Variants in ZCCHC7 observed in about 807,000 individuals in gnomAD.
ZCCHC7 encodes zinc finger CCHC domain-containing protein 7.
ZCCHC7 carries 35 observed loss-of-function variants against 52.0 expected under a neutral mutation model. The ratio of observed to expected loss-of-function variants is 0.67; its 90% CI spans 0.51 to 0.89. The LOEUF is 0.89. Ranked by LOEUF, ZCCHC7 falls within the 40% of genes least tolerant of loss-of-function variation. The pLI is 0.00. For synonymous variants in ZCCHC7, 217 were observed against 221.5 expected (o/e 0.98, Z 0.18); for missense variants, 574 against 649.1 (o/e 0.88, Z 1.26).
chr9:37,254,833 G>GTTT (rs767381289), intron 2 of ZCCHC7, among the ~76,000 whole-genome samples: 6 of 12,410 alleles, frequency 4.8e-4, no homozygotes, highest in Admixed American at 3.5e-3. Context: ...TGCTCAAAAA[G>GTTT]TTTCTTTTTT....
intron 2 of ZCCHC7, among the ~76,000 whole-genome samples, chr9:37,212,638 CCTTA>C (rs1343875332): frequency 2.0e-5 from 3 of 152,156 alleles, no homozygotes; most frequent in African/African-American, 7.2e-5. Flanking sequence ...GGCAGCCCAG[CCTTA>C]CTTCAGAGTC....
intron 4 of ZCCHC7, 149 bp from the exon 5 acceptor site, chr9:37,305,395 T>A: frequency 1.1e-6 from 1 of 949,252 alleles, no homozygotes; most frequent in Non-Finnish European, 1.5e-6. Context: ...TTTGGACATT[T>A]TGTTTGATTT....
chr9:37,138,134 A>G (rs538826781), intron 2 of ZCCHC7, among the ~76,000 whole-genome samples: 64 of 152,120 alleles, frequency 4.2e-4, no homozygotes, highest in Non-Finnish European at 7.4e-4. Flanking sequence ...ACACTTAACT[A>G]TTGTTAGGGC....
chr9:37,209,335 T>C (rs979704652), intron 2 of ZCCHC7, among the ~76,000 whole-genome samples: 1 of 152,126 alleles, frequency 6.6e-6, no homozygotes, highest in Non-Finnish European at 1.5e-5. Flanking sequence ...CCACCACGCC[T>C]GGCCATTTTT....
chr9:37,209,517 T>A (rs146617198), intron 2 of ZCCHC7, among the ~76,000 whole-genome samples: 128 of 152,282 alleles, frequency 8.4e-4, no homozygotes, highest in African/African-American at 2.8e-3. Flanking sequence ...AACATCTTTG[T>A]CTACCCTTTT....
intron 1 of ZCCHC7, among the ~76,000 whole-genome samples, chr9:37,122,144 G>C (rs974220961): frequency 2.6e-5 from 4 of 152,220 alleles, no homozygotes; most frequent in Non-Finnish European, 5.9e-5. Context: ...ATATTTGGAA[G>C]TAAATAAGAG....
chr9:37,292,583 G>A (rs1189142809), intron 2 of ZCCHC7, among the ~76,000 whole-genome samples: 2 of 151,908 alleles, frequency 1.3e-5, no homozygotes, highest in Non-Finnish European at 2.9e-5. Context: ...CTTTTATTAT[G>A]AATTTAGAAA....
intron 6 of ZCCHC7, among the ~76,000 whole-genome samples, chr9:37,342,403 G>A (rs1249478388): frequency 1.3e-5 from 2 of 152,216 alleles, no homozygotes; most frequent in Non-Finnish European, 2.9e-5. Context: ...ATACGTGAGT[G>A]TAGAGTTAAC....
intron 2 of ZCCHC7, among the ~76,000 whole-genome samples, chr9:37,241,316 C>T (rs1044817279): frequency 2.0e-5 from 3 of 151,740 alleles, no homozygotes; most frequent in Non-Finnish European, 3.0e-5. Flanking sequence ...CTGACTTAAA[C>T]TCTTGATTCT....
intron 2 of ZCCHC7, among the ~76,000 whole-genome samples, chr9:37,210,917 C>T (rs1461751775): frequency 1.3e-5 from 2 of 152,166 alleles, no homozygotes; most frequent in Non-Finnish European, 2.9e-5. Context: ...GTCTCTATGT[C>T]TTTCAGTCTG....
intron 2 of ZCCHC7, among the ~76,000 whole-genome samples, chr9:37,212,029 A>C (rs1295737515): frequency 2.3e-5 from 1 of 43,526 alleles, no homozygotes. Context: ...TCCGTCTCAA[A>C]AAAAAAAAAA....
intron 7 of ZCCHC7, among the ~76,000 whole-genome samples, chr9:37,351,035 C>T (rs1231645241): frequency 6.6e-6 from 1 of 152,080 alleles, no homozygotes; most frequent in Non-Finnish European, 1.5e-5. Flanking sequence ...AACTATGACA[C>T]ATCACTGGTG....
chr9:37,251,019 G>A (rs542249776), intron 2 of ZCCHC7, among the ~76,000 whole-genome samples: 3 of 152,238 alleles, frequency 2.0e-5, no homozygotes, highest in Admixed American at 6.5e-5. Context: ...TGTGAAACTA[G>A]TTTCTTCAAA....
chr9:37,240,937 A>T (rs1469572176), intron 2 of ZCCHC7, among the ~76,000 whole-genome samples: 1 of 151,884 alleles, frequency 6.6e-6, no homozygotes, highest in African/African-American at 2.4e-5. Flanking sequence ...ATACTTTCAG[A>T]TTTTTAATAA....
At chr9:37,348,378 C>CTTTCTTTCTTTCTTTCTTTCTTTCT (rs1462318343) in intron 6 of ZCCHC7, among the ~76,000 whole-genome samples, 1 of 146,448 alleles carries the variant, frequency 6.8e-6, no homozygotes, top group African/African-American at 2.7e-5. Context: ...TTCTTTCTTT[C>CTTTCTTTCTTTCTTTCTTTCTTTCT]TTTCTTTCTT....
intron 2 of ZCCHC7, among the ~76,000 whole-genome samples, chr9:37,299,242 T>C (rs1270157622): frequency 6.6e-6 from 1 of 152,222 alleles, no homozygotes; most frequent in Non-Finnish European, 1.5e-5. Context: ...CTGGGCCGTA[T>C]GGAAAGTCCT....
intron 2 of ZCCHC7, among the ~76,000 whole-genome samples, chr9:37,250,594 G>T (rs529267339): frequency 6.6e-6 from 1 of 152,234 alleles, no homozygotes; most frequent in African/African-American, 2.4e-5. Flanking sequence ...GAGCCACCAC[G>T]CCTGGCCTCT....
chr9:37,189,974 TCTC>T (rs1003932041), intron 2 of ZCCHC7, among the ~76,000 whole-genome samples: 1 of 152,122 alleles, frequency 6.6e-6, no homozygotes, highest in Admixed American at 6.5e-5. Flanking sequence ...TTCCTATGCT[TCTC>T]CTTCTTCATA....
At chr9:37,240,624 T>C (rs1825833970) in intron 2 of ZCCHC7, among the ~76,000 whole-genome samples, 1 of 151,960 alleles carries the variant, frequency 6.6e-6, no homozygotes, top group Admixed American at 6.6e-5. Flanking sequence ...GATAATTTTT[T>C]TACCCTCACT....
Sources: gnomAD v4.1 joint callset for allele counts (sites outside exome capture counted in the v4.1 genomes callset) on GRCh38, gnomAD v4.1.1 for gene constraint, MANE v1.5 for transcripts, NCBI Gene and HGNC (gene_info 2026-07-23, HGNC 2026-07-21) for gene names.